Variants in RRBP1 observed in about 807,000 individuals in gnomAD.
The protein encoded by RRBP1 is ribosome-binding protein 1.
Under a neutral mutation model 165.2 loss-of-function variants are expected in RRBP1, and 94 were observed. The ratio of observed to expected loss-of-function variants is 0.57; its 90% confidence interval spans 0.48 to 0.68. The LOEUF is 0.68. RRBP1 is among the 30% of genes least tolerant of loss of function. The pLI is 0.00. For missense variants in RRBP1, 1,676 were observed against 1,763.0 expected (o/e 0.95, Z 0.88); for synonymous variants, 680 against 714.5 (o/e 0.95, Z 0.77).
At chr20:17,681,963 C>T (rs1323618729) in intron 1 of RRBP1, 65 bp downstream of exon 1, 2 of 147,960 alleles carry the variant, frequency 1.4e-5, no homozygotes, top group Non-Finnish European at 3.0e-5. Context: ...GCAGCGCGGC[C>T]GGCCCCGGCC....
At chr20:17,619,512 AGGACTC>A in intron 19 of RRBP1, 115 bp downstream of exon 19, 1 of 648,746 alleles carries the variant, frequency 1.5e-6, no homozygotes, top group Non-Finnish European at 2.5e-6. Flanking sequence ...CAAACGCCTG[AGGACTC>A]GGACTTCAAG....
intron 6 of RRBP1, 121 bp from the exon 7 acceptor site, chr20:17,635,785 T>G: frequency 1.3e-6 from 1 of 767,034 alleles, no homozygotes; most frequent in African/African-American, 1.8e-5. Flanking sequence ...CTCCACCTTT[T>G]CCACGTGGAA....
chr20:17,624,488 G>A, intron 13 of RRBP1, 88 bp downstream of exon 13: 1 of 853,854 alleles, frequency 1.2e-6, no homozygotes, highest in Non-Finnish European at 1.9e-6. Context: ...AGAGCATCTG[G>A]TGTCCTAGTG....
chr20:17,647,404 G>A (rs887094641), intron 3 of RRBP1, among the ~76,000 whole-genome samples: 20 of 152,246 alleles, frequency 1.3e-4, no homozygotes, highest in African/African-American at 4.3e-4. Flanking sequence ...ACTTGCACCC[G>A]AGGTTGGACT....
At position 17,621,759 on chromosome 20, in the gene RRBP1, C is replaced by G; in HGVS notation, c.3255G>C (p.Trp1085Cys). ...SVLAQQNYTE[W>C]LQDLKEKGPT... is the part of the protein sequence containing the mutation. ...GGCCTTTCTCTTTGAGATCCTGCAG[C>G]CACTCGGTGTAATTCTGCAATGAAA... is the stretch of plus-strand genomic sequence containing the variant. Residue 1085 changes from tryptophan to cysteine, a missense_variant, in exon 15 of 25, where the codon TGG becomes TGC. Trp to Cys is a radical substitution (Grantham distance 215). Coordinates refer to ENST00000377813, the MANE Select transcript of RRBP1 (RefSeq NM_001365613.2). 1 of 1,613,986 alleles carries G rather than the reference C, an allele frequency of 6.2e-7. No homozygotes were observed.
rs1317976861 is a variant in RRBP1 at position 17,667,714 on chromosome 20, CACTT to C, written c.-21-7190_-21-7187del. Among the ~76,000 whole-genome samples, 4 of 152,238 alleles carry C rather than the reference CACTT, an allele frequency of 2.6e-5. No homozygotes were observed. In the East Asian group the frequency reaches 5.8e-4, roughly 22 times the overall value. ...GTGTTGTTTGGTTCCGGATAGCTGA[CACTT>C]GCTTGTTTACCCAAATGCTGGCCAT... On this transcript the variant is annotated intron_variant, in intron 2 of 24. Transcript: ENST00000377813.
rs761612426 is a variant in RRBP1, at chr20:17,635,623, C to A, written c.2379G>T (p.Thr793=). 3.1e-6 allele frequency: 5 copies of A among 1,613,282 alleles called. No homozygotes were observed. The highest frequency in any genetic ancestry group is 3.4e-6 in the Non-Finnish European group (4 of 1,179,872). The part of the protein sequence containing the change: ...LQEQLENGPN[T]QLARLQQENS... ...TCTCCTGCTGCAGGCGGGCCAGCTG[C>A]GTGTTGGGGCCATTCTCCAGCTGCT... The change falls in exon 7 of 25, where the codon ACG becomes ACT. Residue 793 remains threonine (T), a synonymous_variant. Coordinates refer to ENST00000377813, the MANE Select transcript of RRBP1 (RefSeq NM_001365613.2).
intron 13 of RRBP1, among the ~76,000 whole-genome samples, chr20:17,623,962 C>G (rs2035962839): frequency 6.6e-6 from 1 of 152,126 alleles, no homozygotes; most frequent in African/African-American, 2.4e-5. Flanking sequence ...CACAGAGCCC[C>G]CTGGGCCATG....
intron 8 of RRBP1, among the ~76,000 whole-genome samples, chr20:17,630,412 C>T (rs1426538152): frequency 6.6e-6 from 1 of 152,226 alleles, no homozygotes; most frequent in Non-Finnish European, 1.5e-5. Flanking sequence ...CGCTATAGGG[C>T]AGTGCTCTTA....
rs1490950254 is a variant in RRBP1, at chr20:17,629,850, C to T, written c.2722G>A (p.Ala908Thr). 3.8e-6 allele frequency: 6 copies of T among 1,599,250 alleles called. No individual in the cohort carries two copies. In the South Asian group the frequency reaches 5.5e-5, roughly 15 times the overall value. The change falls in exon 9 of 25, where the codon GCC (alanine) becomes ACC (threonine). Residue 908 changes from alanine (A) to threonine (T), a missense_variant. Coordinates refer to ENST00000377813, the MANE Select transcript of RRBP1 (RefSeq NM_001365613.2). Reference sequence around the variant, plus strand: ...GCCATCTGCTGCTGTTGCTCCTGGGCCTTCTCGGCATCCGCCCGGAGGCTG... The same window carrying T: ...GCCATCTGCTGCTGTTGCTCCTGGGTCTTCTCGGCATCCGCCCGGAGGCTG... ...HASLRADAEK[A>T]QEQQQQMAEL...
intron 9 of RRBP1, 39 bp from the exon 10 acceptor site, chr20:17,627,721 C>T (rs754178868): frequency 6.5e-7 from 1 of 1,545,930 alleles, no homozygotes; most frequent in Non-Finnish European, 8.7e-7. Context: ...TAAGAGACTG[C>T]AAACCCCAGG....
chr20:17,615,594 T>C (rs2035783964), intron 22 of RRBP1, 65 bp from the exon 23 acceptor site: 2 of 1,358,862 alleles, frequency 1.5e-6, no homozygotes, highest in Non-Finnish European at 2.0e-6. Flanking sequence ...GTCAAGACCC[T>C]ACCGAGCACG....
intron 3 of RRBP1, among the ~76,000 whole-genome samples, chr20:17,646,800 T>C (rs2036470837): frequency 6.6e-6 from 1 of 152,178 alleles, no homozygotes; most frequent in Admixed American, 6.5e-5. Context: ...TGTGGCGTCC[T>C]TGGATGAGGC....
At chr20:17,651,017 C>G (rs2036546757) in intron 3 of RRBP1, among the ~76,000 whole-genome samples, 1 of 152,234 alleles carries the variant, frequency 6.6e-6, no homozygotes, top group Non-Finnish European at 1.5e-5. Flanking sequence ...AAAGCCTGGA[C>G]ACGTGCGTCA....
intron 3 of RRBP1, among the ~76,000 whole-genome samples, chr20:17,654,231 T>C (rs953092252): frequency 6.6e-6 from 1 of 152,168 alleles, no homozygotes; most frequent in African/African-American, 2.4e-5. Flanking sequence ...AGGACTCAAA[T>C]GTCCCCTACA....
chr20:17,639,787 G>A (rs909799118), intron 5 of RRBP1, among the ~76,000 whole-genome samples: 2 of 151,998 alleles, frequency 1.3e-5, no homozygotes, highest in African/African-American at 4.8e-5. Context: ...CAGCTACTTG[G>A]GAGGCTGAGA....
intron 5 of RRBP1, among the ~76,000 whole-genome samples, chr20:17,638,192 C>T (rs900343259): frequency 6.6e-6 from 1 of 152,246 alleles, no homozygotes; most frequent in African/African-American, 2.4e-5. Flanking sequence ...CCACTGCTGG[C>T]AGACAGGTGT....
At position 17,659,621 on chromosome 20, in the gene RRBP1, T is replaced by G. The variant is rs1447224534; in HGVS notation, c.887A>C (p.Gln296Pro). 3.2e-6 allele frequency: 5 copies of G among 1,550,190 alleles called. No homozygotes were observed. The highest frequency in any genetic ancestry group is 1.7e-6 in the Non-Finnish European group (2 of 1,146,826). The change falls in exon 3 of 25, where the codon CAG (glutamine) becomes CCG (proline). Residue 296 changes from glutamine to proline, a missense_variant. This residue lies in a region of RRBP1 where 392 missense variants were observed against 382.5 expected (regional missense o/e 1.02). Transcript: ENST00000377813. ...PTQGRKAEGAQNQAKKVEGAQ... is the reference protein window; with the variant it reads ...PTQGRKAEGAPNQAKKVEGAQ... ...CCCTTCTACCTTTTTGGCCTGGTTC[T>G]GAGCCCCCTCGGCCTTTCTGCCCTG...
intron 7 of RRBP1, among the ~76,000 whole-genome samples, chr20:17,634,197 C>T (rs968185645): frequency 1.3e-5 from 2 of 152,354 alleles, no homozygotes; most frequent in Non-Finnish European, 2.9e-5. Context: ...CAGCGTAAGG[C>T]GTGTGATCAG....
Sources: gnomAD v4.1 joint callset for allele counts (sites outside exome capture counted in the v4.1 genomes callset) on GRCh38, gnomAD v4.1.1 for gene constraint, gnomAD v4.1.1 regional missense constraint, MANE v1.5 for transcripts, NCBI Gene and HGNC (gene_info 2026-07-23, HGNC 2026-07-21) for gene names.